The following TSPAN14 variants were observed in gnomAD, a reference collection of about 807,000 sequenced individuals.
The protein encoded by TSPAN14 is tetraspanin-14.
A neutral mutation model predicts 36.6 loss-of-function variants in TSPAN14; 16 were observed. The observed-to-expected ratio is 0.44, with a 90% confidence interval of 0.30 to 0.66. The LOEUF is 0.66. Ranked by LOEUF, TSPAN14 falls within the 30% of genes least tolerant of loss-of-function variation. The pLI, the probability that TSPAN14 is intolerant of heterozygous loss-of-function variation, is 0.12. For missense variants in TSPAN14, 231 were observed against 355.1 expected (o/e 0.65, Z 2.81); for synonymous variants, 139 against 143.8 (o/e 0.97, Z 0.24).
At chr10:80,454,562 G>C (rs1845643810) in intron 1 of TSPAN14, among the ~76,000 whole-genome samples, 191 bp downstream of exon 1, 1 of 151,870 alleles carries the variant, frequency 6.6e-6, no homozygotes, top group African/African-American at 2.4e-5. Context: ...AGGATTGCTC[G>C]CTAGAGGTTG....
chr10:80,518,070 C>A (rs1439140875), exon 9 of TSPAN14: 1 of 1,293,764 alleles, frequency 7.7e-7, no homozygotes, highest in Non-Finnish European at 1.1e-6. Flanking sequence ...GGAGCCGACA[C>A]CCCCAGAGCC....
At chr10:80,479,766 G>A (rs1160162383) in intron 1 of TSPAN14, among the ~76,000 whole-genome samples, 2 of 151,268 alleles carry the variant, frequency 1.3e-5, no homozygotes, top group African/African-American at 4.9e-5. Context: ...GGATTGACTT[G>A]GCGATGCGGG....
chr10:80,482,732 CTTTTTTTTTTT>C (rs34769982), intron 1 of TSPAN14, among the ~76,000 whole-genome samples: 5 of 110,550 alleles, frequency 4.5e-5, no homozygotes, highest in Non-Finnish European at 8.8e-5. Context: ...TTTTCTTTTC[CTTTTTTTTTTT>C]TTTTTTTTTG....
intron 1 of TSPAN14, among the ~76,000 whole-genome samples, chr10:80,472,763 A>G (rs968209389): frequency 6.6e-6 from 1 of 152,050 alleles, no homozygotes; most frequent in Non-Finnish European, 1.5e-5. Context: ...ATGAATTCTT[A>G]TTTTATTCAA....
At chr10:80,489,411 G>T (rs909301989) in intron 2 of TSPAN14, 97 bp downstream of exon 2, 2 of 903,754 alleles carry the variant, frequency 2.2e-6, no homozygotes, top group Non-Finnish European at 3.5e-6. Flanking sequence ...ACTATGTAAG[G>T]CTCTGGGATA....
At chr10:80,505,598 G>A (rs1840245028) in intron 3 of TSPAN14, among the ~76,000 whole-genome samples, 1 of 152,234 alleles carries the variant, frequency 6.6e-6, no homozygotes, top group South Asian at 2.1e-4. Flanking sequence ...AGGCTTTCCT[G>A]CCATGGTCTT....
chr10:80,507,276 C>T, exon 4 of TSPAN14: 1 of 1,614,200 alleles, frequency 6.2e-7, no homozygotes, highest in Non-Finnish European at 8.5e-7. Flanking sequence ...TGGAATCGAC[C>T]CTGTGGTGCT....
chr10:80,463,787 T>C (rs904709318), intron 1 of TSPAN14, among the ~76,000 whole-genome samples: 1 of 152,244 alleles, frequency 6.6e-6, no homozygotes, highest in Non-Finnish European at 1.5e-5. Flanking sequence ...CATGCGGCTT[T>C]GATTCCGAAA....
intron 1 of TSPAN14, among the ~76,000 whole-genome samples, chr10:80,481,400 A>C (rs796944983): frequency 7.9e-5 from 12 of 152,368 alleles, no homozygotes; most frequent in African/African-American, 2.9e-4. Flanking sequence ...AAATTCATAG[A>C]AAATTAAGCA....
At chr10:80,504,184 G>A (rs1229238293) in intron 2 of TSPAN14, among the ~76,000 whole-genome samples, 10 of 152,230 alleles carry the variant, frequency 6.6e-5, no homozygotes, top group Non-Finnish European at 5.9e-5. Context: ...CCTGGCCAGT[G>A]AATGGCCTGG....
At chr10:80,482,583 C>T (rs796845551) in intron 1 of TSPAN14, among the ~76,000 whole-genome samples, 6 of 150,928 alleles carry the variant, frequency 4.0e-5, no homozygotes, top group East Asian at 3.9e-4. Context: ...CCACTGTGCC[C>T]GGCCTCCACA....
chr10:80,457,938 G>T (rs1415088889), intron 1 of TSPAN14, among the ~76,000 whole-genome samples: 1 of 152,196 alleles, frequency 6.6e-6, no homozygotes, highest in Non-Finnish European at 1.5e-5. Context: ...GAACACCCCT[G>T]GTGGCTTGGA....
At chr10:80,508,643 C>T (rs574144410) in intron 4 of TSPAN14, among the ~76,000 whole-genome samples, 125 of 152,218 alleles carry the variant, frequency 8.2e-4, no homozygotes, top group South Asian at 1.2e-3. Flanking sequence ...TTTATGCTGA[C>T]GATCATATAC....
intron 1 of TSPAN14, among the ~76,000 whole-genome samples, chr10:80,461,306 T>C (rs1589231916): frequency 1.3e-5 from 2 of 152,304 alleles, no homozygotes; most frequent in East Asian, 3.9e-4. Context: ...CTGTCGGCTG[T>C]GGATGGGGCC....
intron 1 of TSPAN14, among the ~76,000 whole-genome samples, chr10:80,479,648 C>T (rs1008046584): frequency 6.6e-6 from 1 of 152,168 alleles, no homozygotes; most frequent in Non-Finnish European, 1.5e-5. Flanking sequence ...TTCCATTGGT[C>T]TATATCTCTG....
chr10:80,514,639 A>C (rs189983074), intron 7 of TSPAN14, among the ~76,000 whole-genome samples: 28 of 152,254 alleles, frequency 1.8e-4, no homozygotes, highest in Admixed American at 3.3e-4. Flanking sequence ...AGTCTCGAGG[A>C]ATCTTCAGAG....
intron 5 of TSPAN14, among the ~76,000 whole-genome samples, chr10:80,510,648 G>A (rs7090932): frequency 0.063 from 9,617 of 152,256 alleles, 1,011 homozygotes; most frequent in African/African-American, 0.22. Context: ...GCTGAGGCGG[G>A]TGGATCACAA....
At chr10:80,469,309 A>G (rs999130766) in intron 1 of TSPAN14, among the ~76,000 whole-genome samples, 2 of 152,216 alleles carry the variant, frequency 1.3e-5, no homozygotes, top group African/African-American at 4.8e-5. Context: ...GAAGAAACAC[A>G]AAGCATTTTC....
chr10:80,485,895 ACAAAAATGGC>A (rs1385180936), intron 1 of TSPAN14, among the ~76,000 whole-genome samples: 2 of 152,212 alleles, frequency 1.3e-5, no homozygotes, highest in African/African-American at 4.8e-5. Context: ...CCTGGGTTGT[ACAAAAATGGC>A]CAAAAATGGC....
Sources: allele counts gnomAD v4.1 joint callset (sites outside exome capture counted in the v4.1 genomes callset), GRCh38; gene constraint gnomAD v4.1.1; transcripts MANE v1.5; gene names NCBI Gene and HGNC (gene_info 2026-07-23, HGNC 2026-07-21).